The following VPS13A variants were observed in gnomAD, a reference collection of about 807,000 sequenced individuals.
VPS13A encodes the protein intermembrane lipid transfer protein VPS13A.
VPS13A carries 264 observed loss-of-function variants against 390.9 expected under a neutral mutation model. That is an observed-to-expected ratio of 0.68 (90% CI 0.61 to 0.75). The LOEUF (loss-of-function observed/expected upper bound fraction) is 0.75, where lower values mean the gene tolerates loss of function less well. Among genes scored for constraint, VPS13A ranks in the 30% least tolerant of loss-of-function variants. VPS13A has a pLI of 0.00. For synonymous variants in VPS13A, 1,231 were observed against 1,227.1 expected (o/e 1.00, Z -0.07); for missense variants, 3,409 against 3,733.9 (o/e 0.91, Z 2.27).
At chr9:77,233,293 GT>G (rs200923232) in intron 17 of VPS13A, among the ~76,000 whole-genome samples, 1 of 150,626 alleles carries the variant, frequency 6.6e-6, no homozygotes, top group Non-Finnish European at 1.5e-5. Flanking sequence ...CATCTTTAGT[GT>G]TTTTTTTCTT....
chr9:77,213,182 A>C, intron 8 of VPS13A, 52 bp from the exon 9 acceptor site: 1 of 1,574,638 alleles, frequency 6.4e-7, no homozygotes, highest in Non-Finnish European at 8.7e-7. Flanking sequence ...AAAATAGTGT[A>C]TGATAAAAAT....
At chr9:77,377,710 C>T (rs1186683981) in intron 67 of VPS13A, among the ~76,000 whole-genome samples, 2 of 151,894 alleles carry the variant, frequency 1.3e-5, no homozygotes, top group Non-Finnish European at 2.9e-5. Context: ...GATCTGGATG[C>T]TTTTTTTCTT....
intron 20 of VPS13A, 114 bp from the exon 21 acceptor site, chr9:77,249,983 T>C: frequency 8.5e-7 from 1 of 1,180,278 alleles, no homozygotes; most frequent in Non-Finnish European, 1.2e-6. Context: ...TTATGTATGC[T>C]TACTTGTGAA....
At chr9:77,400,469 T>A (rs1265413917) in intron 68 of VPS13A, among the ~76,000 whole-genome samples, 1 of 152,140 alleles carries the variant, frequency 6.6e-6, no homozygotes, top group East Asian at 1.9e-4. Context: ...AAGTTCTATG[T>A]ACTTAACAAT....
Position 77,318,579 on chromosome 9 carries a change from G to C in VPS13A, c.5301G>C (p.Gln1767His). ...NWSSLINLHC[Q>H]LELEVHYYNE... Reference sequence around the variant, plus strand: ...GTTCCCTAATAAATCTGCACTGTCAGCTTGAGCTAGAAGTAAGCATATTTT... The same window carrying C: ...GTTCCCTAATAAATCTGCACTGTCACCTTGAGCTAGAAGTAAGCATATTTT... Residue 1767 changes from glutamine to histidine, a missense_variant, in exon 41 of 72, where the codon CAG becomes CAC. By Grantham distance (24) the Gln-to-His change is conservative. Transcript: ENST00000360280. 6.2e-7 allele frequency: 1 copy of C among 1,613,494 alleles called. No individual in the cohort carries two copies.
chr9:77,302,799 C>G lies in VPS13A; in HGVS notation c.3813-116C>G. On this transcript the variant is annotated intron_variant, in intron 33 of 71. Coordinates refer to ENST00000360280, the MANE Select transcript of VPS13A (RefSeq NM_033305.3). Reference sequence around the variant, plus strand: ...TCTGATAGATATTTTCCCTTTATACCCAACAAATTATTGATTTCTGCTATT... The same window carrying G: ...TCTGATAGATATTTTCCCTTTATACGCAACAAATTATTGATTTCTGCTATT... 3 of 1,135,712 alleles carry G rather than the reference C, an allele frequency of 2.6e-6. No homozygotes were observed. In the South Asian group the frequency reaches 4.3e-5, roughly 16 times the overall value. The allele number at this position is 1,135,712 out of a possible 1,614,324, so 70.4% of individuals were successfully genotyped here.
At position 77,358,379 on chromosome 9, in the gene VPS13A, C is replaced by A; in HGVS notation, c.7976C>A (p.Ala2659Asp). ...RIQIQNQIHG[A>D]VFPFVFYPVK... ...TAGATCCAAAATCAGATACATGGTGCTGTATTTCCCTTTGTGTTTTATCCT... is the reference window on the plus strand; with the variant it reads ...TAGATCCAAAATCAGATACATGGTGATGTATTTCCCTTTGTGTTTTATCCT... The change falls in exon 57 of 72, where the codon GCT (alanine) becomes GAT (aspartate). Residue 2659 changes from alanine (A) to aspartate (D), a missense_variant. Physicochemically the swap from Ala to Asp is moderately radical, Grantham distance 126 (BLOSUM62 -2). This residue lies in a region of VPS13A where 221 missense variants were observed against 300.7 expected (regional missense o/e 0.73). Transcript: ENST00000360280. The A allele has an allele frequency of 6.2e-7, 1 of 1,613,438 alleles. No individual in the cohort carries two copies. The highest frequency in any genetic ancestry group is 8.5e-7 in the Non-Finnish European group (1 of 1,179,762).
intron 53 of VPS13A, among the ~76,000 whole-genome samples, chr9:77,352,187 A>G (rs1563950341): frequency 6.6e-6 from 1 of 152,254 alleles, no homozygotes; most frequent in Non-Finnish European, 1.5e-5. Flanking sequence ...TGAGTGAACT[A>G]AAACAAACTT....
At chr9:77,240,108 CT>C (rs1824385379) in intron 19 of VPS13A, among the ~76,000 whole-genome samples, 2 of 148,892 alleles carry the variant, frequency 1.3e-5, no homozygotes, top group Non-Finnish European at 3.0e-5. Flanking sequence ...ATAGCTTACA[CT>C]TTTTATTTGA....
Position 77,282,254 on chromosome 9 carries a change from G to A in VPS13A, c.3098G>A (p.Gly1033Glu). The A allele has an allele frequency of 6.2e-7, 1 of 1,611,728 alleles. No individual in the cohort carries two copies. The highest frequency in any genetic ancestry group is 1.1e-5 in the South Asian group (1 of 90,464). The change falls in exon 29 of 72, where the codon GGA becomes GAA. Residue 1033 changes from glycine (G) to glutamate (E), a missense_variant. Gly to Glu is a moderately conservative substitution (Grantham distance 98). Around this residue, in one of 5 missense-constraint regions of VPS13A, gnomAD observed 2,717 missense variants for 2,917.4 expected, o/e 0.93. Coordinates refer to ENST00000360280, the MANE Select transcript of VPS13A (RefSeq NM_033305.3). ...TCCACTACAGAGACTGAAGACAAAG[G>A]AGATGTCATTAAAAAATTAGGTATG... ...PVSTTETEDKGDVIKKLALKL... is the reference protein window; with the variant it reads ...PVSTTETEDKEDVIKKLALKL...
Position 77,416,295 on chromosome 9 carries a change from G to C in VPS13A, c.*289G>C. ...ATTTTGTAAAAGAAGACAAAATTAT[G>C]AATCTTAAGTATTTGCTCCATCTTT... On this transcript the variant is annotated 3_prime_UTR_variant, in exon 72 of 72. Coordinates refer to ENST00000360280, the MANE Select transcript of VPS13A (RefSeq NM_033305.3). The C allele has an allele frequency of 5.8e-6, 2 of 344,772 alleles. No individual in the cohort carries two copies. Among genetic ancestry groups the C allele is most frequent in the Non-Finnish European group, 1.1e-5 (2 of 182,444 alleles). 21.4% of individuals were successfully genotyped at this position (344,772 alleles called of 1,614,324 possible). A position where few individuals can be genotyped will look rare whatever the true frequency, so the allele number is the denominator to read the frequency against.
chr9:77,249,488 T>C (rs1825030416), intron 20 of VPS13A, among the ~76,000 whole-genome samples: 1 of 152,194 alleles, frequency 6.6e-6, no homozygotes, highest in Non-Finnish European at 1.5e-5. Flanking sequence ...ACATGAGCTA[T>C]ATAGAGGGAA....
chr9:77,392,814 C>G (rs1383418575), intron 68 of VPS13A, among the ~76,000 whole-genome samples: 1 of 103,728 alleles, frequency 9.6e-6, no homozygotes, highest in Non-Finnish European at 2.0e-5. Flanking sequence ...TACATAATTG[C>G]TAAAAAAAAA....
At chr9:77,290,379 A>G (rs529770917) in intron 31 of VPS13A, among the ~76,000 whole-genome samples, 1 of 152,108 alleles carries the variant, frequency 6.6e-6, no homozygotes, top group South Asian at 2.1e-4. Flanking sequence ...GATGAGTTTA[A>G]TTGTGTTTTG....
chr9:77,345,178 G>A (rs771328550), intron 52 of VPS13A, 36 bp downstream of exon 52: 9 of 1,606,468 alleles, frequency 5.6e-6, no homozygotes, highest in Non-Finnish European at 7.7e-6. Context: ...TCTTGATGGT[G>A]TAAGTCTAGA....
intron 71 of VPS13A, among the ~76,000 whole-genome samples, chr9:77,413,413 A>C (rs1012621816): frequency 2.0e-5 from 3 of 152,204 alleles, no homozygotes; most frequent in African/African-American, 7.2e-5. Context: ...ATGGAACAGA[A>C]CAGAGCCCTC....
chr9:77,398,948 A>G (rs905299179), intron 68 of VPS13A, among the ~76,000 whole-genome samples: 2 of 136,670 alleles, frequency 1.5e-5, no homozygotes, highest in African/African-American at 5.6e-5. Flanking sequence ...ATTCTCACTC[A>G]TAGGTGGGAA....
chr9:77,412,634 C>T (rs1004932660), intron 71 of VPS13A, among the ~76,000 whole-genome samples: 5 of 152,114 alleles, frequency 3.3e-5, no homozygotes, highest in African/African-American at 1.2e-4. Context: ...AAACCCACAG[C>T]CAATATCATA....
At chr9:77,188,055 C>T (rs966988871) in intron 1 of VPS13A, among the ~76,000 whole-genome samples, 1 of 152,138 alleles carries the variant, frequency 6.6e-6, no homozygotes, top group Non-Finnish European at 1.5e-5. Flanking sequence ...GCTGTCCTTG[C>T]AATAGTTCTT....
Sources: gnomAD v4.1 joint callset for allele counts (sites outside exome capture counted in the v4.1 genomes callset) on GRCh38, gnomAD v4.1.1 for gene constraint, gnomAD v4.1.1 regional missense constraint, MANE v1.5 for transcripts, NCBI Gene and HGNC (gene_info 2026-07-23, HGNC 2026-07-21) for gene names.